SYN3: variants seen among roughly 807,000 people sequenced by gnomAD.
The protein encoded by SYN3 is synapsin-3.
In SYN3, 35 loss-of-function variants were observed where a neutral mutation model predicts 65.8. That is an observed-to-expected ratio of 0.53 (90% CI 0.41 to 0.70). SYN3 has a LOEUF of 0.70. Among genes scored for constraint, SYN3 ranks in the 30% least tolerant of loss-of-function variants. The probability of loss-of-function intolerance (pLI) is 0.00; values close to 1 mark genes in which losing one functional copy is unlikely to be tolerated. For synonymous variants in SYN3, 270 were observed against 292.9 expected (o/e 0.92, Z 0.80); for missense variants, 680 against 749.0 (o/e 0.91, Z 1.08).
intron 3 of SYN3, among the ~76,000 whole-genome samples, chr22:32,958,791 C>A (rs986075004): frequency 6.6e-6 from 1 of 152,070 alleles, no homozygotes; most frequent in Non-Finnish European, 1.5e-5. Flanking sequence ...TATGCAAACA[C>A]GAGTCTGAAT....
chr22:32,657,083 G>A (rs902266107), intron 6 of SYN3, among the ~76,000 whole-genome samples: 2 of 152,206 alleles, frequency 1.3e-5, no homozygotes, highest in South Asian at 4.2e-4. Context: ...CTCAGCCTGA[G>A]AGACTCTGCA....
chr22:32,621,530 T>C (rs2059594110), intron 6 of SYN3, among the ~76,000 whole-genome samples: 1 of 152,080 alleles, frequency 6.6e-6, no homozygotes, highest in African/African-American at 2.4e-5. Flanking sequence ...ACATGTGCTG[T>C]GTGGGTGCTG....
chr22:32,788,549 A>T (rs1007504897), intron 6 of SYN3, among the ~76,000 whole-genome samples: 44 of 152,248 alleles, frequency 2.9e-4, no homozygotes, highest in East Asian at 9.6e-4. Context: ...TCAAAAAAAA[A>T]AATAATAATA....
intron 3 of SYN3, among the ~76,000 whole-genome samples, chr22:32,960,870 T>G (rs946029066): frequency 2.6e-5 from 4 of 152,078 alleles, no homozygotes; most frequent in Admixed American, 2.0e-4. Context: ...GCTCTACCTG[T>G]AAAAATAGGG....
chr22:32,846,964 C>T (rs2048082005), intron 6 of SYN3, among the ~76,000 whole-genome samples: 2 of 152,210 alleles, frequency 1.3e-5, no homozygotes, highest in African/African-American at 4.8e-5. Context: ...AAGCTTCCAG[C>T]AGTACTCAGC....
chr22:32,755,814 A>G (rs537389839), intron 6 of SYN3, among the ~76,000 whole-genome samples: 1 of 152,326 alleles, frequency 6.6e-6, no homozygotes, highest in African/African-American at 2.4e-5. Flanking sequence ...AACAAAATTC[A>G]TAGTGAACCT....
At chr22:32,978,950 A>G (rs1416990505) in intron 3 of SYN3, among the ~76,000 whole-genome samples, 1 of 152,198 alleles carries the variant, frequency 6.6e-6, no homozygotes, top group East Asian at 1.9e-4. Flanking sequence ...AGACCAAGGC[A>G]GGTAGATCAT....
chr22:32,894,089 G>A (rs2049523904), intron 4 of SYN3, among the ~76,000 whole-genome samples: 1 of 152,164 alleles, frequency 6.6e-6, no homozygotes, highest in Non-Finnish European at 1.5e-5. Flanking sequence ...TGGCCTACTT[G>A]TGTGTCATTT....
chr22:32,590,041 A>G (rs1288248351), intron 7 of SYN3, among the ~76,000 whole-genome samples: 1 of 152,224 alleles, frequency 6.6e-6, no homozygotes, highest in African/African-American at 2.4e-5. Context: ...GGCAAAAACA[A>G]AAAACAACAA....
chr22:32,906,306 G>A (rs1230458711), intron 4 of SYN3, among the ~76,000 whole-genome samples: 1 of 152,134 alleles, frequency 6.6e-6, no homozygotes, highest in Non-Finnish European at 1.5e-5. Flanking sequence ...AGATCCCCTG[G>A]AGTGGGGAAC....
At chr22:32,884,675 C>G (rs2049241549) in intron 4 of SYN3, among the ~76,000 whole-genome samples, 1 of 152,242 alleles carries the variant, frequency 6.6e-6, no homozygotes, top group East Asian at 1.9e-4. Context: ...GGTCAGGAGA[C>G]AGACCATCCT....
In SYN3 at chr22:32,643,559, G is replaced by C. The variant is rs957846339; in HGVS notation, c.712-46823C>G. Among the ~76,000 whole-genome samples the C allele has an allele frequency of 1.2e-4, 16 of 129,922 alleles. 1 individual carries two copies. The highest frequency in any genetic ancestry group is 2.3e-4 in the East Asian group (1 of 4,326). The allele number at this position is 129,922 out of a possible 152,430, so 85.2% of individuals were successfully genotyped here. On this transcript the variant is annotated intron_variant, in intron 6 of 13. Transcript: ENST00000358763. ...GCAAATTAGAAATGGTGGGGGGGCG[G>C]GGGGGGCAGAACAGACCCATAAAGG... is the stretch of plus-strand genomic sequence containing the variant.
intron 6 of SYN3, among the ~76,000 whole-genome samples, chr22:32,799,110 G>T (rs2046500464): frequency 6.6e-6 from 1 of 152,156 alleles, no homozygotes; most frequent in Non-Finnish European, 1.5e-5. Flanking sequence ...AGACTGATGG[G>T]TGCCTGCTGA....
At chr22:32,994,164 C>G (rs1048834105) in intron 2 of SYN3, among the ~76,000 whole-genome samples, 1 of 152,136 alleles carries the variant, frequency 6.6e-6, no homozygotes, top group Non-Finnish European at 1.5e-5. Flanking sequence ...GGGTGCCGCA[C>G]AAGGCCCTCA....
chr22:32,527,859 C>G, intron 12 of SYN3, 59 bp downstream of exon 12: 1 of 1,414,282 alleles, frequency 7.1e-7, no homozygotes. Context: ...GTGGATCCCT[C>G]GGTGCATTTC....
At chr22:32,831,387 C>CA (rs2047569063) in intron 6 of SYN3, among the ~76,000 whole-genome samples, 1 of 152,112 alleles carries the variant, frequency 6.6e-6, no homozygotes, top group Non-Finnish European at 1.5e-5. Flanking sequence ...CTGATATCCT[C>CA]TGAAGAGTCT....
chr22:32,763,011 A>G (rs751263545), intron 6 of SYN3, among the ~76,000 whole-genome samples: 9 of 152,156 alleles, frequency 5.9e-5, no homozygotes, highest in Non-Finnish European at 8.8e-5. Context: ...AATAACAACA[A>G]TTAGTATCTT....
intron 2 of SYN3, among the ~76,000 whole-genome samples, chr22:32,982,159 C>T (rs1413345676): frequency 6.6e-6 from 1 of 151,940 alleles, no homozygotes; most frequent in Non-Finnish European, 1.5e-5. Context: ...TCTAACTATT[C>T]AAAAAAGGGA....
intron 3 of SYN3, among the ~76,000 whole-genome samples, chr22:32,943,928 G>A (rs1320914614): frequency 6.6e-6 from 1 of 152,090 alleles, no homozygotes; most frequent in Non-Finnish European, 1.5e-5. Flanking sequence ...CCCAACACAG[G>A]AGCACCCAGA....
Sources: allele counts gnomAD v4.1 joint callset (sites outside exome capture counted in the v4.1 genomes callset), GRCh38; gene constraint gnomAD v4.1.1; transcripts MANE v1.5; gene names NCBI Gene and HGNC (gene_info 2026-07-23, HGNC 2026-07-21).